Variants in ZNF385D observed in about 807,000 individuals in gnomAD.
ZNF385D encodes zinc finger protein 385D, also known as zinc finger protein 659.
ZNF385D carries 15 observed loss-of-function variants against 35.8 expected under a neutral mutation model. The ratio of observed to expected loss-of-function variants is 0.42; its 90% CI spans 0.28 to 0.64. The LOEUF is 0.64. ZNF385D is among the 30% of genes least tolerant of loss of function. The probability of loss-of-function intolerance (pLI) is 0.23; values close to 1 mark genes in which losing one functional copy is unlikely to be tolerated. For missense variants in ZNF385D, 474 were observed against 494.6 expected, an observed-to-expected ratio of 0.96 and a Z score of 0.39; for synonymous variants, 212 against 186.8, an observed-to-expected ratio of 1.13 and a Z score of -1.10.
intron 1 of ZNF385D, among the ~76,000 whole-genome samples, chr3:21,726,774 C>G (rs1239151096): frequency 4.6e-5 from 7 of 152,102 alleles, no homozygotes; most frequent in Admixed American, 4.6e-4. Context: ...TTAATGCTAT[C>G]CCCATCAAGC....
intron 3 of ZNF385D, among the ~76,000 whole-genome samples, chr3:21,518,808 T>G (rs987100236): frequency 2.6e-5 from 4 of 152,276 alleles, no homozygotes; most frequent in Non-Finnish European, 5.9e-5. Context: ...GTTATAAAAT[T>G]TCCTTACTGC....
chr3:21,492,285 T>G, intron 4 of ZNF385D, among the ~76,000 whole-genome samples: 1 of 152,130 alleles, frequency 6.6e-6, no homozygotes, highest in Non-Finnish European at 1.5e-5. Context: ...AATAGCTAAA[T>G]AACCAATTAT....
chr3:22,090,581 T>C (rs963298534), intron 3 of ZNF385D, among the ~76,000 whole-genome samples: 1 of 152,110 alleles, frequency 6.6e-6, no homozygotes, highest in African/African-American at 2.4e-5. Flanking sequence ...TAAAAGAATA[T>C]TTAGTGTAGT....
intron 3 of ZNF385D, among the ~76,000 whole-genome samples, chr3:22,078,333 T>C (rs551722880): frequency 6.6e-6 from 1 of 152,158 alleles, no homozygotes; most frequent in African/African-American, 2.4e-5. Context: ...TATAACCAAG[T>C]ATGCTCATCA....
intron 3 of ZNF385D, among the ~76,000 whole-genome samples, chr3:21,765,981 G>C (rs925473012): frequency 2.0e-5 from 3 of 152,086 alleles, no homozygotes; most frequent in Non-Finnish European, 4.4e-5. Flanking sequence ...CCATGGTCAA[G>C]TATTGTATAC....
chr3:22,146,578 C>G (rs572853041), intron 3 of ZNF385D, among the ~76,000 whole-genome samples: 2 of 152,120 alleles, frequency 1.3e-5, no homozygotes, highest in African/African-American at 4.8e-5. Flanking sequence ...CCTGTACTTG[C>G]TAAATTATAA....
intron 3 of ZNF385D, among the ~76,000 whole-genome samples, chr3:21,973,744 C>T (rs570779656): frequency 2.0e-5 from 3 of 151,936 alleles, no homozygotes; most frequent in African/African-American, 7.2e-5. Context: ...GATACAATAT[C>T]AACATGCAAA....
chr3:21,850,032 C>A (rs568280625), intron 3 of ZNF385D, among the ~76,000 whole-genome samples: 1 of 152,090 alleles, frequency 6.6e-6, no homozygotes, highest in Non-Finnish European at 1.5e-5. Flanking sequence ...GCGTGAGCCA[C>A]CACACTCAGC....
chr3:22,116,913 T>C (rs927950006), intron 3 of ZNF385D, among the ~76,000 whole-genome samples: 1 of 152,058 alleles, frequency 6.6e-6, no homozygotes, highest in African/African-American at 2.4e-5. Context: ...CTAGTCACTT[T>C]ACTAAGTGTT....
chr3:21,856,709 G>A (rs1032490872), intron 3 of ZNF385D, among the ~76,000 whole-genome samples: 1 of 151,976 alleles, frequency 6.6e-6, no homozygotes, highest in African/African-American at 2.4e-5. Context: ...TTATTGCAGG[G>A]TATTTCTAAC....
chr3:21,730,791 T>C (rs1246460893), intron 1 of ZNF385D, among the ~76,000 whole-genome samples: 1 of 152,262 alleles, frequency 6.6e-6, no homozygotes. Context: ...TTTTATCCTT[T>C]TGGGCCTTAC....
intron 1 of ZNF385D, among the ~76,000 whole-genome samples, chr3:21,671,085 G>C (rs989425589): frequency 3.3e-5 from 5 of 151,974 alleles, no homozygotes; most frequent in African/African-American, 1.2e-4. Flanking sequence ...AAGCTCAGTT[G>C]TGCATGTACA....
At chr3:22,257,268 G>A (rs1413742059) in intron 2 of ZNF385D, among the ~76,000 whole-genome samples, 3 of 151,736 alleles carry the variant, frequency 2.0e-5, no homozygotes, top group Admixed American at 6.6e-5. Flanking sequence ...TAACAGGACT[G>A]TTAGATTCTA....
chr3:21,827,758 AAG>A (rs1694735464), intron 3 of ZNF385D, among the ~76,000 whole-genome samples: 1 of 152,196 alleles, frequency 6.6e-6, no homozygotes, highest in Admixed American at 6.5e-5. Context: ...AGCTCTAGAA[AAG>A]AATTCTGCAA....
intron 3 of ZNF385D, among the ~76,000 whole-genome samples, chr3:21,886,044 T>A (rs962877664): frequency 6.6e-6 from 1 of 152,116 alleles, no homozygotes; most frequent in South Asian, 2.1e-4. Context: ...TCCAGAATAA[T>A]GTTTGACCAA....
intron 3 of ZNF385D, among the ~76,000 whole-genome samples, chr3:22,092,401 A>G (rs1281874558): frequency 6.6e-6 from 1 of 152,164 alleles, no homozygotes; most frequent in African/African-American, 2.4e-5. Flanking sequence ...AGCTCCAGGT[A>G]TCCAGACAGT....
chr3:22,104,977 C>T (rs188723581), intron 3 of ZNF385D, among the ~76,000 whole-genome samples: 1 of 152,084 alleles, frequency 6.6e-6, no homozygotes, highest in East Asian at 1.9e-4. Flanking sequence ...TACATTGACC[C>T]AGTATTATTA....
intron 2 of ZNF385D, among the ~76,000 whole-genome samples, chr3:22,363,347 G>T (rs965622629): frequency 3.3e-5 from 5 of 152,128 alleles, no homozygotes; most frequent in Admixed American, 1.3e-4. Flanking sequence ...ACTGTCAAAA[G>T]CATCATTAAA....
chr3:22,058,396 G>T (rs1379898571), intron 3 of ZNF385D, among the ~76,000 whole-genome samples: 1 of 152,174 alleles, frequency 6.6e-6, no homozygotes, highest in Non-Finnish European at 1.5e-5. Flanking sequence ...GAACCCTATT[G>T]TTTAAAAGGA....
Sources: allele counts gnomAD v4.1 joint callset (sites outside exome capture counted in the v4.1 genomes callset), GRCh38; gene constraint gnomAD v4.1.1; transcripts MANE v1.5; gene names NCBI Gene and HGNC (gene_info 2026-07-23, HGNC 2026-07-21).